FAM135A: variants seen among roughly 807,000 people sequenced by gnomAD.
FAM135A encodes family with sequence similarity 135 member A.
In FAM135A, 79 loss-of-function variants were observed where a neutral mutation model predicts 146.8. The observed-to-expected ratio is 0.54, with a 90% CI of 0.45 to 0.65. The LOEUF is 0.65. Among genes scored for constraint, FAM135A ranks in the 30% least tolerant of loss-of-function variants. FAM135A has a pLI of 0.00. For synonymous variants in FAM135A, 562 were observed against 603.6 expected, an observed-to-expected ratio of 0.93 and a Z score of 1.01; for missense variants, 1,623 against 1,758.2, an observed-to-expected ratio of 0.92 and a Z score of 1.38.
At chr6:70,500,350 C>G (rs1282338177) in intron 11 of FAM135A, among the ~76,000 whole-genome samples, 1 of 152,156 alleles carries the variant, frequency 6.6e-6, no homozygotes, top group Non-Finnish European at 1.5e-5. Context: ...ATGTTCCTCT[C>G]TAAACTGGTT....
Position 70,536,356 on chromosome 6 carries a change from T to A in FAM135A, c.4062T>A (p.Ser1354=), listed in dbSNP as rs768829480. 6.2e-7 allele frequency: 1 copy of A among 1,613,522 alleles called. No homozygotes were observed. Among genetic ancestry groups the A allele is most frequent in the Non-Finnish European group, 8.5e-7 (1 of 1,179,704 alleles). The part of the protein sequence containing the change: ...YYLNKLHTFL[S]LSGPHLGTLY... ...TCAACAAACTTCATACCTTTCTGTC[T>A]CTTTCTGGACCTCACCTTGGTACAC... is the stretch of plus-strand genomic sequence containing the variant. Residue 1354 remains serine (S), a synonymous_variant, in exon 19 of 22, where the codon TCT becomes TCA. Coordinates refer to ENST00000418814, the MANE Select transcript of FAM135A (RefSeq NM_001162529.3).
intron 11 of FAM135A, among the ~76,000 whole-genome samples, chr6:70,502,088 A>G (rs564156242): frequency 6.6e-6 from 1 of 152,356 alleles, no homozygotes; most frequent in South Asian, 2.1e-4. Context: ...TGAAAAAAAT[A>G]AAGTGACAAT....
chr6:70,501,802 ACC>A (rs1788622156), intron 11 of FAM135A, among the ~76,000 whole-genome samples: 3 of 152,106 alleles, frequency 2.0e-5, no homozygotes, highest in Admixed American at 6.5e-5. Flanking sequence ...TCACTGCCTA[ACC>A]AGTGCCAATG....
At chr6:70,554,952 T>A (rs1246708101) in intron 20 of FAM135A, among the ~76,000 whole-genome samples, 1 of 152,192 alleles carries the variant, frequency 6.6e-6, no homozygotes, top group Non-Finnish European at 1.5e-5. Flanking sequence ...AAATATAACA[T>A]CTCAACTCAT....
At position 70,524,832 on chromosome 6, in the gene FAM135A, C is replaced by T. The variant is rs754423547; in HGVS notation, c.1748C>T (p.Thr583Ile). ...TGTTTGCCAACTAATACAGAGAGAA[C>T]TGAACAAAAGTCTCCAGATATTGAA... ...ASCLPTNTERTEQKSPDIENV... is the reference protein window; with the variant it reads ...ASCLPTNTERIEQKSPDIENV... Residue 583 changes from threonine (T) to isoleucine (I), a missense_variant, in exon 15 of 22, where the codon ACT becomes ATT. Thr to Ile is a moderately conservative substitution (Grantham distance 89). Around this residue, in one of 7 missense-constraint regions of FAM135A, gnomAD observed 1,061 missense variants for 1,113.8 expected, o/e 0.95. Transcript: ENST00000418814. 3.2e-6 allele frequency: 5 copies of T among 1,576,954 alleles called. No homozygotes were observed. The highest frequency in any genetic ancestry group is 4.3e-6 in the Non-Finnish European group (5 of 1,160,476).
chr6:70,466,810 C>T (rs1410951581), intron 5 of FAM135A, among the ~76,000 whole-genome samples: 1 of 152,126 alleles, frequency 6.6e-6, no homozygotes, highest in East Asian at 1.9e-4. Flanking sequence ...AAGCCAAGCA[C>T]TGAAAAGAAA....
At chr6:70,503,781 C>T (rs1192570152) in intron 12 of FAM135A, 2 of 152,128 alleles carry the variant, frequency 1.3e-5, no homozygotes, top group African/African-American at 4.8e-5. Context: ...CTTTTTCACT[C>T]AAGACATTAG....
chr6:70,538,805 GTTATATTATATTATATTATATTATA>G (rs57363541), intron 20 of FAM135A, among the ~76,000 whole-genome samples: 10 of 112,856 alleles, frequency 8.9e-5, no homozygotes, highest in South Asian at 5.2e-4. Flanking sequence ...ATTATGTTAT[GTTATATTATATTATATTATATTATA>G]TTATATTATA....
At chr6:70,554,506 A>G (rs762860862) in intron 20 of FAM135A, among the ~76,000 whole-genome samples, 10 of 151,410 alleles carry the variant, frequency 6.6e-5, no homozygotes, top group Admixed American at 1.3e-4. Context: ...GAGGAAAGGA[A>G]GAGAAGGGAG....
At chr6:70,427,533 C>CA (rs55796657) in intron 3 of FAM135A, among the ~76,000 whole-genome samples, 3,970 of 85,480 alleles carry the variant, frequency 0.046, 135 homozygotes, top group African/African-American at 0.11. Context: ...CTCTGTCTCA[C>CA]AAAAAAAAAA....
intron 12 of FAM135A, among the ~76,000 whole-genome samples, chr6:70,516,885 G>A (rs9446259): frequency 0.021 from 3,229 of 152,040 alleles, 110 homozygotes; most frequent in African/African-American, 0.074. Context: ...CTAGTAGAGG[G>A]GAAAAGTTAG....
rs148909601 is a variant in FAM135A, at chr6:70,414,170, G to C, written c.-220+468G>C. 2.3e-4 allele frequency among the ~76,000 whole-genome samples: 35 copies of C among 152,192 alleles called. No homozygotes were observed. The East Asian group carries it at 6.4e-3, about 28-fold the overall frequency. ...TCTCTGTGCTTCCATCCCTTGCCTG[G>C]CTCTTCCCTGTCCGGAGCTCCTTAC... On this transcript the variant is annotated intron_variant, in intron 1 of 21. Transcript: ENST00000418814.
Position 70,525,144 on chromosome 6 carries a change from T to A in FAM135A, c.2060T>A (p.Ile687Lys). 1 of 1,572,936 alleles carries A rather than the reference T, an allele frequency of 6.4e-7. No individual in the cohort carries two copies. Among genetic ancestry groups the A allele is most frequent in the Non-Finnish European group, 8.6e-7 (1 of 1,164,004 alleles). Reference protein sequence around the residue: ...GPWTELRQEEILVDNLLPNFE... With the variant: ...GPWTELRQEEKLVDNLLPNFE... ...TGGACAGAGCTTCGACAAGAGGAAA[T>A]ACTTGTGGATAATTTACTACCCAAC... Residue 687 changes from isoleucine (I) to lysine (K), a missense_variant, in exon 15 of 22, where the codon ATA becomes AAA. Coordinates refer to ENST00000418814, the MANE Select transcript of FAM135A (RefSeq NM_001162529.3).
chr6:70,529,252 T>C (rs964516080), intron 16 of FAM135A, among the ~76,000 whole-genome samples: 4 of 151,918 alleles, frequency 2.6e-5, no homozygotes, highest in African/African-American at 9.7e-5. Context: ...TTATGACAGC[T>C]GTTTTGGTTA....
At chr6:70,474,646 G>A (rs1782262038) in intron 5 of FAM135A, among the ~76,000 whole-genome samples, 1 of 152,184 alleles carries the variant, frequency 6.6e-6, no homozygotes, top group African/African-American at 2.4e-5. Context: ...CAGATGTGAA[G>A]CTTCCGTTGT....
rs1258805955 is a variant in FAM135A at position 70,560,819 on chromosome 6, A to G, written c.*898A>G. ...TAATTTTTAAATATTGTTAAAATTT[A>G]TTGAACTAAAAAGTAATGTAAATAA... On this transcript the variant is annotated 3_prime_UTR_variant, in exon 22 of 22. Transcript: ENST00000418814. 1 of 152,592 alleles carries G rather than the reference A, an allele frequency of 6.6e-6. No individual in the cohort carries two copies. 9.5% of individuals were successfully genotyped at this position (152,592 alleles called of 1,614,324 possible).
At chr6:70,527,114 GAGTTTATCTAGGAA>G (rs1262040514) in intron 15 of FAM135A, among the ~76,000 whole-genome samples, 17 of 151,966 alleles carry the variant, frequency 1.1e-4, no homozygotes, top group Admixed American at 1.1e-3. Context: ...CAAGTTTTAT[GAGTTTATCTAGGAA>G]ATAAGGATAA....
At chr6:70,493,936 C>G (rs1172090112) in intron 11 of FAM135A, among the ~76,000 whole-genome samples, 1 of 151,434 alleles carries the variant, frequency 6.6e-6, no homozygotes, top group East Asian at 1.9e-4. Flanking sequence ...ACCTGCAATC[C>G]CAGCTACTTG....
Position 70,526,267 on chromosome 6 carries a change from T to C in FAM135A, c.3183T>C (p.Asn1061=), listed in dbSNP as rs749291816. The change falls in exon 15 of 22, where the codon AAT becomes AAC. Residue 1061 remains asparagine (N), a synonymous_variant. Transcript: ENST00000418814. The part of the protein sequence containing the change: ...ISDTCAVSYS[N]ALSPQKETSE... ...ACACATGTGCTGTTAGCTACAGCAA[T>C]GCACTTAGCCCTCAGAAGGAAACTT... 2.8e-5 allele frequency: 45 copies of C among 1,613,452 alleles called. No homozygotes were observed. Among genetic ancestry groups the C allele is most frequent in the South Asian group, 3.3e-5 (3 of 91,072 alleles).
Sources: allele counts gnomAD v4.1 joint callset (sites outside exome capture counted in the v4.1 genomes callset), GRCh38; gene constraint gnomAD v4.1.1; regional missense constraint gnomAD v4.1.1; transcripts MANE v1.5; gene names NCBI Gene and HGNC (gene_info 2026-07-23, HGNC 2026-07-21).